LUZP2: variants seen among roughly 807,000 people sequenced by gnomAD.
LUZP2 encodes the protein leucine zipper protein 2.
LUZP2 carries 52 observed loss-of-function variants against 51.6 expected under a neutral mutation model. That is an observed-to-expected ratio of 1.01 (90% confidence interval 0.81 to 1.27). LUZP2 has a LOEUF of 1.27. Among genes scored for constraint, LUZP2 ranks in the 50% most tolerant of loss-of-function variants. The pLI, the probability that LUZP2 is intolerant of heterozygous loss-of-function variation, is 0.00. For missense variants in LUZP2, 436 were observed against 395.4 expected, an observed-to-expected ratio of 1.10 and a Z score of -0.87; for synonymous variants, 154 against 137.3, an observed-to-expected ratio of 1.12 and a Z score of -0.85.
At chr11:24,958,462 A>C (rs1251258221) in intron 7 of LUZP2, among the ~76,000 whole-genome samples, 3 of 152,134 alleles carry the variant, frequency 2.0e-5, no homozygotes, top group Non-Finnish European at 4.4e-5. Flanking sequence ...GTGTGAGATG[A>C]TAACTCATTG....
intron 9 of LUZP2, among the ~76,000 whole-genome samples, chr11:25,013,116 C>T (rs773030945): frequency 7.2e-5 from 11 of 152,086 alleles, no homozygotes; most frequent in South Asian, 2.1e-4. Flanking sequence ...TGAAATAAGC[C>T]GGGGACCAAA....
At chr11:24,512,611 A>G (rs944702691) in intron 1 of LUZP2, among the ~76,000 whole-genome samples, 3 of 152,180 alleles carry the variant, frequency 2.0e-5, no homozygotes, top group African/African-American at 7.2e-5. Flanking sequence ...ACAAATTTCA[A>G]TGTTAAAGGA....
chr11:24,873,930 T>C (rs1852164205), intron 5 of LUZP2, among the ~76,000 whole-genome samples: 1 of 152,198 alleles, frequency 6.6e-6, no homozygotes, highest in African/African-American at 2.4e-5. Context: ...TTAATGATTC[T>C]GTAGATCTTC....
intron 1 of LUZP2, among the ~76,000 whole-genome samples, chr11:24,581,995 C>T (rs372519812): frequency 9.9e-5 from 15 of 152,112 alleles, no homozygotes; most frequent in East Asian, 5.8e-4. Flanking sequence ...CTCTAAACCA[C>T]GCTGGACATG....
At chr11:24,659,034 C>A (rs528339765) in intron 1 of LUZP2, among the ~76,000 whole-genome samples, 1 of 152,268 alleles carries the variant, frequency 6.6e-6, no homozygotes, top group East Asian at 1.9e-4. Flanking sequence ...GGATCTAGAA[C>A]TAGAAATACC....
At chr11:24,628,208 T>C (rs920214233) in intron 1 of LUZP2, among the ~76,000 whole-genome samples, 3 of 121,976 alleles carry the variant, frequency 2.5e-5, no homozygotes, top group Non-Finnish European at 5.3e-5. Context: ...CACACACCCA[T>C]GCATACACAC....
chr11:24,671,412 T>C (rs1856398444), intron 1 of LUZP2, among the ~76,000 whole-genome samples: 1 of 152,080 alleles, frequency 6.6e-6, no homozygotes, highest in Non-Finnish European at 1.5e-5. Flanking sequence ...TAAGTAACAC[T>C]GCCTTGACCA....
intron 5 of LUZP2, chr11:24,891,448 T>C (rs1375598362): frequency 1.0e-6 from 1 of 958,558 alleles, no homozygotes; most frequent in Admixed American, 6.2e-5. Flanking sequence ...CACCTTTTGG[T>C]TCCTAATAAG....
intron 1 of LUZP2, among the ~76,000 whole-genome samples, chr11:24,683,699 G>A (rs1297371933): frequency 1.3e-5 from 2 of 152,064 alleles, no homozygotes; most frequent in African/African-American, 2.4e-5. Flanking sequence ...TGACCTCATG[G>A]ACATAATTTA....
Position 25,076,592 on chromosome 11 carries a change from GAA to G in LUZP2, c.859-736_859-735del, listed in dbSNP as rs772611634. On this transcript the variant is annotated intron_variant, in intron 10 of 11. Coordinates refer to ENST00000336930, the MANE Select transcript of LUZP2 (RefSeq NM_001009909.4). ...GGAGGAAGGGAGGGAGGAAGGGAAAGAAGAGGGAACTAAGGAAGGAATGAAGG... is the reference window on the plus strand; with the variant it reads ...GGAGGAAGGGAGGGAGGAAGGGAAAGGAGGGAACTAAGGAAGGAATGAAGG... Among the ~76,000 whole-genome samples, 130 of 122,866 alleles carry G rather than the reference GAA, an allele frequency of 1.1e-3. 1 individual carries two copies. The highest frequency in any genetic ancestry group is 1.6e-3 in the Non-Finnish European group (94 of 57,488). The allele number at this position is 122,866 out of a possible 152,430, so 80.6% of individuals were successfully genotyped here.
rs115338861 is a variant in LUZP2, at chr11:24,928,263, C to T, written c.522+13725C>T. The stretch of plus-strand genomic sequence containing the variant: ...GTCTGATTGCCCTGGCTAGAACTTC[C>T]AGTACTATGTTCAGTAGAAATGGGG... On this transcript the variant is annotated intron_variant, in intron 7 of 11. Coordinates refer to ENST00000336930, the MANE Select transcript of LUZP2 (RefSeq NM_001009909.4). 3.9e-3 allele frequency among the ~76,000 whole-genome samples: 597 copies of T among 152,122 alleles called. 9 individuals are homozygous for T. The highest frequency in any genetic ancestry group is 0.014 in the African/African-American group (564 of 41,520).
intron 5 of LUZP2, among the ~76,000 whole-genome samples, chr11:24,884,273 A>G (rs1852596386): frequency 6.6e-6 from 1 of 152,044 alleles, no homozygotes; most frequent in Non-Finnish European, 1.5e-5. Flanking sequence ...CATTTTGACC[A>G]TAAACAGATT....
At chr11:24,881,230 T>A (rs886829993) in intron 5 of LUZP2, among the ~76,000 whole-genome samples, 1 of 151,900 alleles carries the variant, frequency 6.6e-6, no homozygotes, top group Non-Finnish European at 1.5e-5. Context: ...TTAACTCAAC[T>A]GAGATGCCTT....
intron 1 of LUZP2, among the ~76,000 whole-genome samples, chr11:24,726,746 G>A (rs1355696686): frequency 6.6e-6 from 1 of 152,008 alleles, no homozygotes; most frequent in Non-Finnish European, 1.5e-5. Context: ...CATGGAAAGT[G>A]CTCTAAGACA....
rs560954294 is a variant in LUZP2 at position 24,774,846 on chromosome 11, T to A, written c.396+11538T>A. ...ATATAGAATACATTCTATATATATG[T>A]AGAATATATATAAAGAATATATATG... On this transcript the variant is annotated intron_variant, in intron 5 of 11. Transcript: ENST00000336930. Among the ~76,000 whole-genome samples the A allele has an allele frequency of 1.3e-3, 190 of 143,474 alleles. 4 individuals carry two copies. Among genetic ancestry groups the A allele is most frequent in the Admixed American group, 0.012 (161 of 13,698 alleles). The allele number at this position is 143,474 out of a possible 152,430, so 94.1% of individuals were successfully genotyped here. A position where few individuals can be genotyped will look rare whatever the true frequency, so the allele number is the denominator to read the frequency against.
At chr11:24,581,426 C>A (rs1300649886) in intron 1 of LUZP2, among the ~76,000 whole-genome samples, 1 of 151,910 alleles carries the variant, frequency 6.6e-6, no homozygotes, top group African/African-American at 2.4e-5. Context: ...ATCCCAGCAC[C>A]TTGGGAGGCT....
At chr11:24,614,901 T>C (rs1854237588) in intron 1 of LUZP2, among the ~76,000 whole-genome samples, 1 of 152,002 alleles carries the variant, frequency 6.6e-6, no homozygotes, top group Non-Finnish European at 1.5e-5. Context: ...TGCATATTTC[T>C]ATCACAAGCA....
At chr11:24,693,675 T>C (rs2133893876) in intron 1 of LUZP2, among the ~76,000 whole-genome samples, 1 of 152,082 alleles carries the variant, frequency 6.6e-6, no homozygotes, top group Non-Finnish European at 1.5e-5. Context: ...CTGTACTGCA[T>C]AGAAGCAGCT....
chr11:24,947,144 G>A (rs1854923724), intron 7 of LUZP2, among the ~76,000 whole-genome samples: 2 of 151,824 alleles, frequency 1.3e-5, no homozygotes, highest in African/African-American at 2.4e-5. Context: ...CATATATTTT[G>A]TATATTACAT....
Sources: gnomAD v4.1 joint callset for allele counts (sites outside exome capture counted in the v4.1 genomes callset) on GRCh38, gnomAD v4.1.1 for gene constraint, MANE v1.5 for transcripts, NCBI Gene and HGNC (gene_info 2026-07-23, HGNC 2026-07-21) for gene names.